The following NINL variants were observed in gnomAD, a reference collection of about 807,000 sequenced individuals.
The protein encoded by NINL is ninein like, also known as ninein-like protein.
NINL carries 153 observed loss-of-function variants against 160.3 expected under a neutral mutation model. The ratio of observed to expected loss-of-function variants is 0.95; its 90% CI spans 0.84 to 1.09. The LOEUF (loss-of-function observed/expected upper bound fraction) is 1.09, where lower values mean the gene tolerates loss of function less well. Among genes scored for constraint, NINL ranks in the 50% least tolerant of loss-of-function variants. NINL has a pLI of 0.00. For missense variants in NINL, 1,829 were observed against 1,764.0 expected, an observed-to-expected ratio of 1.04 and a Z score of -0.66; for synonymous variants, 800 against 734.8, an observed-to-expected ratio of 1.09 and a Z score of -1.43.
In NINL at chr20:25,498,230, G is replaced by A. The variant is rs755951527; in HGVS notation, c.1149C>T (p.His383=). ...CTTACTGCTGGTAGCTCAGCTCCTG[G>A]TGGTAGCAGGCCAGGGCTGCCTGCT... ...AVQQAALACY[H]QELSYQQGQV... Residue 383 remains histidine (H), a synonymous_variant, in exon 9 of 24, where the codon CAC becomes CAT. Coordinates refer to ENST00000278886, the MANE Select transcript of NINL (RefSeq NM_025176.6). 7.4e-6 allele frequency: 12 copies of A among 1,613,002 alleles called. No homozygotes were observed. The highest frequency in any genetic ancestry group is 9.3e-6 in the Non-Finnish European group (11 of 1,180,028).
At position 25,496,817 on chromosome 20, in the gene NINL, G is replaced by A. The variant is rs1465986758; in HGVS notation, c.1170-14C>T. The A allele has an allele frequency of 6.2e-7, 1 of 1,613,210 alleles. No individual in the cohort carries two copies. Among genetic ancestry groups the A allele is most frequent in the Non-Finnish European group, 8.5e-7 (1 of 1,179,628 alleles). On this transcript the variant is annotated splice_polypyrimidine_tract_variant and intron_variant, in intron 9 of 23. Coordinates refer to ENST00000278886, the MANE Select transcript of NINL (RefSeq NM_025176.6). ...TCCACCTGCCCTCTGCCACAGGAAG[G>A]AGACAGGGTCAGATGGGACCCCACT...
chr20:25,500,151 C>T (rs2146780491), intron 8 of NINL, among the ~76,000 whole-genome samples: 1 of 152,204 alleles, frequency 6.6e-6, no homozygotes, highest in East Asian at 1.9e-4. Flanking sequence ...GGCTGTCTTC[C>T]ATCATCCATG....
chr20:25,464,753 G>C (rs1184864287), intron 19 of NINL, among the ~76,000 whole-genome samples: 2 of 152,174 alleles, frequency 1.3e-5, no homozygotes, highest in Non-Finnish European at 2.9e-5. Flanking sequence ...AGGATCAGCT[G>C]GGCCCTGTCC....
intron 1 of NINL, among the ~76,000 whole-genome samples, chr20:25,585,179 G>C (rs796566153): frequency 6.6e-5 from 10 of 152,190 alleles, no homozygotes; most frequent in Admixed American, 2.0e-4. Context: ...CACGGCGCCC[G>C]CGCCGCCGCC....
At position 25,469,380 on chromosome 20, in the gene NINL, CCTGA is replaced by C. The variant is rs143965710; in HGVS notation, c.3353+607_3353+610del. Among the ~76,000 whole-genome samples, 665 of 142,078 alleles carry C rather than the reference CCTGA, an allele frequency of 4.7e-3. 2 individuals carry two copies. Among genetic ancestry groups the C allele is most frequent in the African/African-American group, 0.016 (615 of 37,456 alleles). The allele number at this position is 142,078 out of a possible 152,430, so 93.2% of individuals were successfully genotyped here. A position where few individuals can be genotyped will look rare whatever the true frequency, so the allele number is the denominator to read the frequency against. On this transcript the variant is annotated intron_variant, in intron 18 of 23. Coordinates refer to ENST00000278886, the MANE Select transcript of NINL (RefSeq NM_025176.6). ...ACTGGTGGCCGCCCTGCCCTGCCCC[CCTGA>C]CTCTCACTGGTGGCCCCCTGCCCTG...
At chr20:25,483,974 C>T (rs747643515) in intron 13 of NINL, among the ~76,000 whole-genome samples, 5 of 152,174 alleles carry the variant, frequency 3.3e-5, no homozygotes, top group Non-Finnish European at 5.9e-5. Flanking sequence ...TCCAGGAACA[C>T]GACATCCACC....
intron 17 of NINL, among the ~76,000 whole-genome samples, chr20:25,472,919 G>C (rs1260544290): frequency 1.3e-5 from 2 of 152,152 alleles, no homozygotes; most frequent in Non-Finnish European, 2.9e-5. Flanking sequence ...ACAAATGCAA[G>C]AACGTTCAGT....
chr20:25,561,184 G>A (rs959818260), intron 1 of NINL, among the ~76,000 whole-genome samples: 2 of 152,202 alleles, frequency 1.3e-5, no homozygotes, highest in Admixed American at 1.3e-4. Flanking sequence ...TTGCAGGCGC[G>A]CGCCGCCACG....
intron 5 of NINL, among the ~76,000 whole-genome samples, chr20:25,508,820 C>G (rs742436): frequency 0.1 from 15,181 of 152,202 alleles, 1,287 homozygotes; most frequent in African/African-American, 0.23. Flanking sequence ...CTCCCTACAC[C>G]TGCACCGTAC....
At position 25,476,198 on chromosome 20, in the gene NINL, C is replaced by T. The variant is rs143482574; in HGVS notation, c.3093G>A (p.Pro1031=). The change falls in exon 17 of 24, where the codon CCG becomes CCA. Residue 1031 remains proline (P), a synonymous_variant. Transcript: ENST00000278886. ...SLPSHLQLAD[P]QGSWQEQLAA... ...CAAGCTGCTCCTGCCAGGAACCCTG[C>T]GGGTCTGCGAGCTGGAGGTGGGATG... The T allele has an allele frequency of 2.5e-6, 4 of 1,614,130 alleles. No homozygotes were observed. Among genetic ancestry groups the T allele is most frequent in the South Asian group, 1.1e-5 (1 of 91,084 alleles).
chr20:25,564,900 C>A (rs1456674485), intron 1 of NINL, among the ~76,000 whole-genome samples: 1 of 151,852 alleles, frequency 6.6e-6, no homozygotes, highest in Non-Finnish European at 1.5e-5. Context: ...GAAGAGACAG[C>A]GGGCAAATAC....
chr20:25,468,653 T>TGAC (rs2062989684), intron 18 of NINL, among the ~76,000 whole-genome samples: 2 of 28,298 alleles, frequency 7.1e-5, no homozygotes, highest in African/African-American at 1.5e-4. Context: ...TGTCCCCCAA[T>TGAC]TCTCACTGGT....
intron 13 of NINL, among the ~76,000 whole-genome samples, chr20:25,485,829 G>T (rs2063494846): frequency 6.6e-6 from 1 of 152,194 alleles, no homozygotes; most frequent in African/African-American, 2.4e-5. Context: ...ATTCTACAGT[G>T]TTCTGTCCAG....
intron 1 of NINL, among the ~76,000 whole-genome samples, chr20:25,528,857 TAATC>T (rs1013881503): frequency 6.6e-6 from 1 of 152,222 alleles, no homozygotes; most frequent in African/African-American, 2.4e-5. Flanking sequence ...AGCTCATTCA[TAATC>T]AAGTAATTCG....
intron 10 of NINL, among the ~76,000 whole-genome samples, chr20:25,494,054 G>A (rs1453799981): frequency 2.0e-5 from 3 of 151,644 alleles, no homozygotes; most frequent in East Asian, 3.9e-4. Context: ...CCCACAGGCC[G>A]CACAGGCCCC....
chr20:25,570,355 C>G (rs1394283511), intron 1 of NINL, among the ~76,000 whole-genome samples: 1 of 152,108 alleles, frequency 6.6e-6, no homozygotes, highest in Non-Finnish European at 1.5e-5. Context: ...GCACCATCCC[C>G]TTGGTGCTGT....
chr20:25,488,310 C>T (rs1349546880), intron 13 of NINL, among the ~76,000 whole-genome samples: 1 of 152,196 alleles, frequency 6.6e-6, no homozygotes, highest in African/African-American at 2.4e-5. Flanking sequence ...ACTGCAACCT[C>T]CGCCGCTTGG....
At position 25,512,863 on chromosome 20, in the gene NINL, A is replaced by G; in HGVS notation, c.421T>C (p.Trp141Arg). The change falls in exon 4 of 24, where the codon TGG (tryptophan) becomes CGG (arginine). Residue 141 changes from tryptophan to arginine, a missense_variant. By Grantham distance (101) the Trp-to-Arg change is moderately radical. Coordinates refer to ENST00000278886, the MANE Select transcript of NINL (RefSeq NM_025176.6). ...ACGCTCTCCAGAGACGCTGAGCGCC[A>G]GAGGTGACTTTTCAGGCTGGCCTGG... ...QTQASLKSHLWRSASLESVES... is the reference protein window; with the variant it reads ...QTQASLKSHLRRSASLESVES... 6.2e-7 allele frequency: 1 copy of G among 1,614,090 alleles called. No homozygotes were observed. Among genetic ancestry groups the G allele is most frequent in the African/African-American group, 1.3e-5 (1 of 75,088 alleles).
chr20:25,542,974 A>T (rs1056172087), intron 1 of NINL, among the ~76,000 whole-genome samples: 2 of 147,986 alleles, frequency 1.4e-5, no homozygotes. Flanking sequence ...TGGGAGGTGG[A>T]GGCTGCAGTG....
Sources: allele counts gnomAD v4.1 joint callset (sites outside exome capture counted in the v4.1 genomes callset), GRCh38; gene constraint gnomAD v4.1.1; transcripts MANE v1.5; gene names NCBI Gene and HGNC (gene_info 2026-07-23, HGNC 2026-07-21).